Variants in WDR7 observed in about 807,000 individuals in gnomAD.
The protein encoded by WDR7 is WD repeat domain 7.
In WDR7, 46 loss-of-function variants were observed where a neutral mutation model predicts 169.4. The ratio of observed to expected loss-of-function variants is 0.27; its 90% confidence interval spans 0.21 to 0.35. The LOEUF (loss-of-function observed/expected upper bound fraction) is 0.35. Ranked by LOEUF, WDR7 falls within the 10% of genes least tolerant of loss-of-function variation. WDR7 has a pLI of 1.00. For synonymous variants in WDR7, 612 were observed against 666.8 expected (o/e 0.92, Z 1.27); for missense variants, 1,534 against 1,859.3 (o/e 0.83, Z 3.22).
rs1482449903 is a variant in WDR7 at position 56,781,607 on chromosome 18, T to C, written c.3141T>C (p.Ile1047=). Residue 1047 remains isoleucine, a synonymous_variant, in exon 19 of 28, where the codon ATT becomes ATC. Coordinates refer to ENST00000254442, the MANE Select transcript of WDR7 (RefSeq NM_015285.3). Reference sequence around the variant, plus strand: ...AGCAGGCAGGCAGGAAGGAAGCCATTGATGCCTGGGCTCCTTACTTACCTC... The same window carrying C: ...AGCAGGCAGGCAGGAAGGAAGCCATCGATGCCTGGGCTCCTTACTTACCTC... ...RIEQAGRKEA[I]DAWAPYLPQY... is the part of the protein sequence containing the mutation. The C allele has an allele frequency of 1.9e-6, 3 of 1,612,996 alleles. No homozygotes were observed.
chr18:57,008,915 C>T (rs2048101564), intron 26 of WDR7, among the ~76,000 whole-genome samples: 2 of 152,136 alleles, frequency 1.3e-5, no homozygotes, highest in African/African-American at 2.4e-5. Flanking sequence ...TATTTAATCC[C>T]ATGAGGTAGG....
At chr18:56,752,934 A>G (rs1012783660) in intron 14 of WDR7, among the ~76,000 whole-genome samples, 5 of 152,210 alleles carry the variant, frequency 3.3e-5, no homozygotes, top group Non-Finnish European at 7.3e-5. Context: ...GTCTGAAACT[A>G]CTTGGTTCTG....
intron 21 of WDR7, among the ~76,000 whole-genome samples, chr18:56,918,499 A>G (rs1021716198): frequency 6.6e-6 from 1 of 152,158 alleles, no homozygotes; most frequent in African/African-American, 2.4e-5. Context: ...TATTAGTACT[A>G]TTTCAATTTT....
At chr18:56,674,356 G>A (rs1306000395) in intron 2 of WDR7, among the ~76,000 whole-genome samples, 1 of 152,080 alleles carries the variant, frequency 6.6e-6, no homozygotes, top group Non-Finnish European at 1.5e-5. Flanking sequence ...ATCTCATTGT[G>A]ATTTGGGTTT....
At chr18:56,759,210 CCTTAA>C (rs1270569009) in intron 16 of WDR7, among the ~76,000 whole-genome samples, 3 of 152,046 alleles carry the variant, frequency 2.0e-5, no homozygotes, top group African/African-American at 4.8e-5. Flanking sequence ...CATTGGGGCA[CCTTAA>C]CTTGACAACA....
chr18:56,760,596 G>C (rs2043966982), intron 16 of WDR7, among the ~76,000 whole-genome samples: 1 of 152,072 alleles, frequency 6.6e-6, no homozygotes. Context: ...CATTTGGATT[G>C]TGTCCAGCAT....
intron 20 of WDR7, among the ~76,000 whole-genome samples, chr18:56,846,686 T>A (rs2145350315): frequency 6.6e-6 from 1 of 152,314 alleles, no homozygotes; most frequent in African/African-American, 2.4e-5. Flanking sequence ...GAGAGCTGGC[T>A]GTTTTAAAAA....
chr18:56,730,957 C>T (rs2026571919), intron 13 of WDR7, among the ~76,000 whole-genome samples: 1 of 151,832 alleles, frequency 6.6e-6, no homozygotes. Flanking sequence ...GAAGCTTCAG[C>T]AATTATTCAA....
Position 56,843,544 on chromosome 18 carries a change from A to G in WDR7, c.3304+27400A>G, listed in dbSNP as rs986971428. 2.6e-5 allele frequency among the ~76,000 whole-genome samples: 4 copies of G among 152,158 alleles called. No individual in the cohort carries two copies. The South Asian group carries it at 8.3e-4, about 32-fold the overall frequency. The stretch of plus-strand genomic sequence containing the variant: ...TTAGAGCTTGTGTCAGGAGCTTACA[A>G]TTGTGTTGATCCATTCAACAGAGTG... On this transcript the variant is annotated intron_variant, in intron 20 of 27. Transcript: ENST00000254442.
At chr18:56,973,836 C>G (rs1426481278) in intron 26 of WDR7, among the ~76,000 whole-genome samples, 1 of 152,176 alleles carries the variant, frequency 6.6e-6, no homozygotes, top group Non-Finnish European at 1.5e-5. Flanking sequence ...GAGGCACATA[C>G]CTGGTACCAT....
At chr18:56,970,236 G>GTTT (rs61311711) in intron 26 of WDR7, among the ~76,000 whole-genome samples, 71 of 138,376 alleles carry the variant, frequency 5.1e-4, no homozygotes, top group South Asian at 3.3e-3. Flanking sequence ...TTTTTGGTTT[G>GTTT]TTTTTTTTTT....
At chr18:56,972,394 A>G (rs557691984) in intron 26 of WDR7, among the ~76,000 whole-genome samples, 1 of 152,236 alleles carries the variant, frequency 6.6e-6, no homozygotes, top group South Asian at 2.1e-4. Flanking sequence ...ACTGAGCAGA[A>G]GTCTATAACG....
intron 24 of WDR7, 95 bp downstream of exon 24, chr18:56,938,777 A>T: frequency 4.3e-6 from 6 of 1,388,120 alleles, no homozygotes; most frequent in Middle Eastern, 1.9e-4. Flanking sequence ...CAGCATCTCT[A>T]AAAGAGATGA....
chr18:56,936,538 A>C (rs779430656), intron 23 of WDR7, among the ~76,000 whole-genome samples: 2 of 152,226 alleles, frequency 1.3e-5, no homozygotes, highest in African/African-American at 2.4e-5. Flanking sequence ...CAGCATGAAT[A>C]ATGGGCAGAC....
chr18:56,724,243 C>G, intron 13 of WDR7, among the ~76,000 whole-genome samples: 1 of 115,768 alleles, frequency 8.6e-6, no homozygotes, highest in East Asian at 2.9e-4. Flanking sequence ...CAGAGTTTCA[C>G]TCTTGTTGCC....
rs1408902061 is a variant in WDR7, at chr18:57,027,708, A to G, written c.*501A>G. On this transcript the variant is annotated 3_prime_UTR_variant, in exon 28 of 28. Coordinates refer to ENST00000254442, the MANE Select transcript of WDR7 (RefSeq NM_015285.3). The stretch of plus-strand genomic sequence containing the variant: ...ACCTAAAATATTGTTTACCAAAAAG[A>G]TTCTGTGTTTACATGTTCTTTTCTT... The G allele has an allele frequency of 6.5e-6, 1 of 154,344 alleles. No individual in the cohort carries two copies. Among genetic ancestry groups the G allele is most frequent in the African/African-American group, 2.4e-5 (1 of 41,456 alleles). The allele number at this position is 154,344 out of a possible 1,614,324, so 9.6% of individuals were successfully genotyped here.
At chr18:56,790,459 G>A (rs542381732) in intron 19 of WDR7, among the ~76,000 whole-genome samples, 4 of 151,950 alleles carry the variant, frequency 2.6e-5, no homozygotes, top group South Asian at 2.1e-4. Flanking sequence ...TAGATCTTAC[G>A]GATTGGAAGG....
rs113600499 is a variant in WDR7 at position 56,929,789 on chromosome 18, A to G, written c.3713+5681A>G. On this transcript the variant is annotated intron_variant, in intron 22 of 27. Transcript: ENST00000254442. ...TGGAATCATAGACTGAGCCATCCCC[A>G]GCTAATTGTGAGAAAAGTAGAAACA... Among the ~76,000 whole-genome samples the G allele has an allele frequency of 2.8e-3, 423 of 152,390 alleles. 4 individuals carry two copies. The highest frequency in any genetic ancestry group is 9.4e-3 in the African/African-American group (392 of 41,598).
chr18:56,776,654 A>G (rs2044246566), intron 16 of WDR7, 128 bp from the exon 17 acceptor site: 2 of 737,556 alleles, frequency 2.7e-6, no homozygotes, highest in Non-Finnish European at 4.8e-6. Context: ...TGATGAAAAC[A>G]TCGTTTCAGT....
Sources: allele counts gnomAD v4.1 joint callset (sites outside exome capture counted in the v4.1 genomes callset), GRCh38; gene constraint gnomAD v4.1.1; transcripts MANE v1.5; gene names NCBI Gene and HGNC (gene_info 2026-07-23, HGNC 2026-07-21).